Variants in ZNF331 observed in about 807,000 individuals in gnomAD.
ZNF331 encodes the protein C2H2-like zinc finger protein rearranged in thyroid adenomas.
A neutral mutation model predicts 7.0 loss-of-function variants in ZNF331; 2 were observed. The observed-to-expected ratio is 0.29, with a 90% CI of 0.12 to 0.90. The LOEUF (loss-of-function observed/expected upper bound fraction) is 0.90, where lower values mean the gene tolerates loss of function less well. ZNF331 is among the 40% of genes least tolerant of loss of function. The probability of loss-of-function intolerance (pLI) is 0.58; values close to 1 mark genes in which losing one functional copy is unlikely to be tolerated. For synonymous variants in ZNF331, 196 were observed against 205.4 expected, an observed-to-expected ratio of 0.95 and a Z score of 0.39; for missense variants, 432 against 587.7, an observed-to-expected ratio of 0.74 and a Z score of 2.74.
At chr19:53,551,709 A>G (rs1001063329) in intron 2 of ZNF331, among the ~76,000 whole-genome samples, 1 of 152,298 alleles carries the variant, frequency 6.6e-6, no homozygotes, top group African/African-American at 2.4e-5. Flanking sequence ...TGTATTGAAC[A>G]TGTACAGACT....
rs60619357 is a variant in ZNF331, at chr19:53,550,529, C to CTTTTTT, written c.-137-5296_-137-5291dup. Among the ~76,000 whole-genome samples the CTTTTTT allele has an allele frequency of 5.5e-3, 354 of 64,566 alleles. 11 individuals are homozygous for CTTTTTT. The highest frequency in any genetic ancestry group is 0.017 in the South Asian group (20 of 1,152). 42.4% of individuals were successfully genotyped at this position (64,566 alleles called of 152,430 possible). On this transcript the variant is annotated intron_variant, in intron 2 of 5. Coordinates refer to ENST00000449416, the MANE Select transcript of ZNF331 (RefSeq NM_001079906.2). ...GTTTTTGATTTAAAGTCTATTTTGT[C>CTTTTTT]TTTTTTTTTTTTTTTTTTTTTTTTT...
intron 2 of ZNF331, among the ~76,000 whole-genome samples, chr19:53,542,891 C>T (rs955338859): frequency 2.6e-5 from 4 of 152,188 alleles, no homozygotes; most frequent in African/African-American, 9.6e-5. Flanking sequence ...CTCACCGCAA[C>T]CTCTGCCTCC....
chr19:53,526,630 G>A (rs1411694878), intron 2 of ZNF331, among the ~76,000 whole-genome samples: 1 of 151,280 alleles, frequency 6.6e-6, no homozygotes, highest in Non-Finnish European at 1.5e-5. Context: ...TTGGCTCACT[G>A]CAAGCTCCGC....
chr19:53,520,634 G>A (rs924102920), upstream of ZNF331, among the ~76,000 whole-genome samples: 1 of 152,218 alleles, frequency 6.6e-6, no homozygotes, highest in Non-Finnish European at 1.5e-5. Flanking sequence ...GCATTCTGAC[G>A]GCCGCGCTTC....
the ZNF331 span, among the ~76,000 whole-genome samples, chr19:53,513,722 G>A: frequency 3.9e-5 from 6 of 152,112 alleles, no homozygotes; most frequent in South Asian, 2.1e-4. Context: ...CACGATCTCG[G>A]CTCACTGCAA....
rs554611065 is a variant in ZNF331 at position 53,572,911 on chromosome 19, A to G, written c.136+1181A>G. On this transcript the variant is annotated intron_variant, in intron 5 of 5. Coordinates refer to ENST00000449416, the MANE Select transcript of ZNF331 (RefSeq NM_001079906.2). The stretch of plus-strand genomic sequence containing the variant: ...ACTTGCCTCCAGGCATAATGCCTAC[A>G]GAAATTTAAAATATGACCTTTTCTC... Among the ~76,000 whole-genome samples the G allele has an allele frequency of 2.6e-4, 39 of 152,218 alleles. 1 individual carries two copies. Among genetic ancestry groups the G allele is most frequent in the Non-Finnish European group, 5.1e-4 (35 of 68,018 alleles).
the ZNF331 span, among the ~76,000 whole-genome samples, chr19:53,514,493 G>T: frequency 6.6e-6 from 1 of 152,094 alleles, no homozygotes; most frequent in Non-Finnish European, 1.5e-5. Context: ...GAGCCACCGC[G>T]CCTAGCCCTA....
At chr19:53,505,951 T>C in the ZNF331 span, among the ~76,000 whole-genome samples, 1 of 151,548 alleles carries the variant, frequency 6.6e-6, no homozygotes, top group Non-Finnish European at 1.5e-5. Flanking sequence ...GCCTCTGCAC[T>C]CTGGCCTGGC....
chr19:53,565,273 C>A lies in ZNF331; in HGVS notation c.-73-4031C>A, dbSNP rs186709282. ...ATTCTGTGGACAGCCACTGATAATT[C>A]ATGACCAGGTGATTCTGAATATACT... On this transcript the variant is annotated intron_variant, in intron 3 of 5. Coordinates refer to ENST00000449416, the MANE Select transcript of ZNF331 (RefSeq NM_001079906.2). Among the ~76,000 whole-genome samples, 203 of 152,328 alleles carry A rather than the reference C, an allele frequency of 1.3e-3. 2 individuals carry two copies. The highest frequency in any genetic ancestry group is 3.8e-3 in the African/African-American group (157 of 41,582).
At chr19:53,554,319 G>A (rs566330771) in intron 2 of ZNF331, among the ~76,000 whole-genome samples, 1 of 152,320 alleles carries the variant, frequency 6.6e-6, no homozygotes, top group South Asian at 2.1e-4. Context: ...TCGCACATGC[G>A]GATCAAGGTC....
chr19:53,506,192 G>A, the ZNF331 span, among the ~76,000 whole-genome samples: 5 of 144,812 alleles, frequency 3.5e-5, no homozygotes, highest in African/African-American at 5.2e-5. Flanking sequence ...AAAATTAGCC[G>A]GGCGTGGTGG....
At position 53,576,678 on chromosome 19, in the gene ZNF331, A is replaced by T; in HGVS notation, c.137-19A>T. 10 of 1,581,840 alleles carry T rather than the reference A, an allele frequency of 6.3e-6. No individual in the cohort carries two copies. The highest frequency in any genetic ancestry group is 8.6e-6 in the Non-Finnish European group (10 of 1,166,606). Reference sequence around the variant, plus strand: ...CTTGTGTCCCTCTAAAGGAAAGAAAATATGTTCTTTTTTCCCAGATTTGGA... The same window carrying T: ...CTTGTGTCCCTCTAAAGGAAAGAAATTATGTTCTTTTTTCCCAGATTTGGA... On this transcript the variant is annotated intron_variant, in intron 5 of 5. Transcript: ENST00000449416.
At chr19:53,564,902 C>G (rs934491484) in intron 3 of ZNF331, among the ~76,000 whole-genome samples, 1 of 152,260 alleles carries the variant, frequency 6.6e-6, no homozygotes, top group Non-Finnish European at 1.5e-5. Context: ...ACATGTGTAT[C>G]TACATTTATC....
At chr19:53,546,553 AAAC>A (rs945410107) in intron 2 of ZNF331, among the ~76,000 whole-genome samples, 1 of 152,058 alleles carries the variant, frequency 6.6e-6, no homozygotes, top group African/African-American at 2.4e-5. Context: ...AAAAAAAAAA[AAAC>A]AACTCCCTCC....
chr19:53,577,981 G>T lies in ZNF331; in HGVS notation c.*29G>T, dbSNP rs368970877. 6.4e-7 allele frequency: 1 copy of T among 1,569,736 alleles called. No homozygotes were observed. The highest frequency in any genetic ancestry group is 1.4e-5 in the African/African-American group (1 of 73,378). On this transcript the variant is annotated 3_prime_UTR_variant, in exon 6 of 6. Coordinates refer to ENST00000449416, the MANE Select transcript of ZNF331 (RefSeq NM_001079906.2). ...GCCTTTTGAACGCAGTAGCCCGCTCGTATCTATGGTTTCGCTTTCCACAGT... is the reference window on the plus strand; with the variant it reads ...GCCTTTTGAACGCAGTAGCCCGCTCTTATCTATGGTTTCGCTTTCCACAGT...
At chr19:53,520,688 C>T (rs2087035211), upstream of ZNF331, among the ~76,000 whole-genome samples, 1 of 152,224 alleles carries the variant, frequency 6.6e-6, no homozygotes. Context: ...CCAGAGGTCT[C>T]TGGGGCATGG....
chr19:53,559,248 C>T (rs1600399158), intron 3 of ZNF331, among the ~76,000 whole-genome samples: 1 of 150,194 alleles, frequency 6.7e-6, no homozygotes, highest in South Asian at 2.1e-4. Context: ...CATACACACA[C>T]CCCATGTACA....
At chr19:53,548,333 G>A (rs771419492) in intron 2 of ZNF331, among the ~76,000 whole-genome samples, 14 of 151,924 alleles carry the variant, frequency 9.2e-5, no homozygotes, top group South Asian at 8.3e-4. Context: ...GGATGGTCTC[G>A]ATCTCCTGAC....
chr19:53,547,343 T>C (rs2088680380), intron 2 of ZNF331, among the ~76,000 whole-genome samples: 1 of 152,210 alleles, frequency 6.6e-6, no homozygotes, highest in Non-Finnish European at 1.5e-5. Flanking sequence ...GATTTACCCA[T>C]GTTGTCACAA....
Sources: allele counts gnomAD v4.1 joint callset (sites outside exome capture counted in the v4.1 genomes callset), GRCh38; gene constraint gnomAD v4.1.1; transcripts MANE v1.5; gene names NCBI Gene and HGNC (gene_info 2026-07-23, HGNC 2026-07-21).